Variants in CIB2 observed in about 807,000 individuals in gnomAD.
CIB2 encodes calcium and integrin-binding family member 2.
In CIB2, 19 loss-of-function variants were observed where a neutral mutation model predicts 23.1. The ratio of observed to expected loss-of-function variants is 0.82; its 90% CI spans 0.57 to 1.21. The LOEUF is 1.21. Among genes scored for constraint, CIB2 ranks in the 50% most tolerant of loss-of-function variants. CIB2 has a pLI of 0.00. For synonymous variants in CIB2, 94 were observed against 91.7 expected (o/e 1.03, Z -0.14); for missense variants, 220 against 241.5 (o/e 0.91, Z 0.59).
Position 78,109,278 on chromosome 15 carries a change from C to G in CIB2, c.303G>C (p.Ser101=). ...FVDMFSVLCE[S]APRELKANYA... ...AGTTTGCCTTGAGCTCTCGGGGAGC[C>G]GACTCGCAGAGCACGGAAAACATGT... Residue 101 remains serine (S), a synonymous_variant, in exon 4 of 6, where the codon TCG becomes TCC. Coordinates refer to ENST00000258930, the MANE Select transcript of CIB2 (RefSeq NM_006383.4). 3.1e-6 allele frequency: 5 copies of G among 1,609,510 alleles called. No individual in the cohort carries two copies. Among genetic ancestry groups the G allele is most frequent in the Non-Finnish European group, 4.2e-6 (5 of 1,177,310 alleles).
At chr15:78,124,121 G>A (rs559107683) in intron 1 of CIB2, among the ~76,000 whole-genome samples, 1 of 152,240 alleles carries the variant, frequency 6.6e-6, no homozygotes, top group East Asian at 1.9e-4. Context: ...AGGACCCACA[G>A]GGCCACCTCG....
In CIB2 at chr15:78,131,314, C is replaced by T; in HGVS notation, c.-99G>A. 9.9e-7 allele frequency: 1 copy of T among 1,013,426 alleles called. No individual in the cohort carries two copies. The highest frequency in any genetic ancestry group is 4.8e-5 in the South Asian group (1 of 20,990). 62.8% of individuals were successfully genotyped at this position (1,013,426 alleles called of 1,614,324 possible). A position where few individuals can be genotyped will look rare whatever the true frequency, so the allele number is the denominator to read the frequency against. ...CCCCGTGCCCGCGGCCCTCGGCAGCCCCGCGGCTGGCAGCGGCCCACGGTG... is the reference window on the plus strand; with the variant it reads ...CCCCGTGCCCGCGGCCCTCGGCAGCTCCGCGGCTGGCAGCGGCCCACGGTG... On this transcript the variant is annotated 5_prime_UTR_variant, in exon 1 of 6. Coordinates refer to ENST00000258930, the MANE Select transcript of CIB2 (RefSeq NM_006383.4). This position sits in a 1 kb window ranked among gnomAD's most constrained non-coding sequence, Gnocchi z 5.8.
chr15:78,109,558 G>T (rs981167852), intron 3 of CIB2, 176 bp from the exon 4 acceptor site: 4 of 694,842 alleles, frequency 5.8e-6, no homozygotes, highest in African/African-American at 1.8e-5. Context: ...GTTGTGATGG[G>T]ATTAAATGAG....
At chr15:78,109,132 T>C in intron 4 of CIB2, 103 bp downstream of exon 4, 1 of 1,320,724 alleles carries the variant, frequency 7.6e-7, no homozygotes. Flanking sequence ...AGCTTCACTG[T>C]TCTTGGTGTC....
chr15:78,113,441 C>A (rs1201002305), intron 2 of CIB2, among the ~76,000 whole-genome samples: 1 of 152,072 alleles, frequency 6.6e-6, no homozygotes, highest in Non-Finnish European at 1.5e-5. Context: ...CTATTTCTTG[C>A]ATAGAGGAAA....
chr15:78,131,266 G>A lies in CIB2; in HGVS notation c.-51C>T, dbSNP rs2074452669. ...CGCCCGGGCTCCGACTCCCATCAGCGGCCGCCAGACCCGGAGCCAGCGCCC... is the reference window on the plus strand; with the variant it reads ...CGCCCGGGCTCCGACTCCCATCAGCAGCCGCCAGACCCGGAGCCAGCGCCC... On this transcript the variant is annotated 5_prime_UTR_variant, in exon 1 of 6. Coordinates refer to ENST00000258930, the MANE Select transcript of CIB2 (RefSeq NM_006383.4). The surrounding 1 kb of genome is among the most constrained non-coding windows in gnomAD (Gnocchi z 5.8). The A allele has an allele frequency of 1.4e-6, 2 of 1,380,508 alleles. No individual in the cohort carries two copies. Among genetic ancestry groups the A allele is most frequent in the East Asian group, 3.1e-5 (1 of 32,346 alleles). 85.5% of individuals were successfully genotyped at this position (1,380,508 alleles called of 1,614,324 possible).
At chr15:78,109,527 T>C (rs981522768) in intron 3 of CIB2, 145 bp from the exon 4 acceptor site, 4 of 831,302 alleles carry the variant, frequency 4.8e-6, no homozygotes, top group South Asian at 1.4e-5. Context: ...AAGGGAATAA[T>C]AATAACACCT....
chr15:78,131,132 G>A lies in CIB2; in HGVS notation c.51+33C>T. Reference sequence around the variant, plus strand: ...AAGGGAGGGGCGGCGGGGCGGCGGGGCCTGTGTTGGGGGCCGGGCGCGCCG... The same window carrying A: ...AAGGGAGGGGCGGCGGGGCGGCGGGACCTGTGTTGGGGGCCGGGCGCGCCG... On this transcript the variant is annotated intron_variant, in intron 1 of 5. Transcript: ENST00000258930. This position sits in a 1 kb window ranked among gnomAD's most constrained non-coding sequence, Gnocchi z 5.8. 2.6e-6 allele frequency: 4 copies of A among 1,552,192 alleles called. No individual in the cohort carries two copies. The highest frequency in any genetic ancestry group is 4.7e-5 in the East Asian group (2 of 42,232).
intron 2 of CIB2, among the ~76,000 whole-genome samples, chr15:78,116,003 A>G (rs1282018294): frequency 8.0e-6 from 1 of 124,306 alleles, no homozygotes; most frequent in East Asian, 2.4e-4. Flanking sequence ...AAATATTTGG[A>G]AAAAAAAAAT....
intron 2 of CIB2, among the ~76,000 whole-genome samples, chr15:78,121,069 G>A (rs952777116): frequency 7.9e-5 from 12 of 152,158 alleles, no homozygotes; most frequent in Non-Finnish European, 1.3e-4. Context: ...GAAGGGGGGT[G>A]AAACTGGAAT....
intron 2 of CIB2, among the ~76,000 whole-genome samples, chr15:78,112,995 A>AT (rs1344043465): frequency 6.6e-6 from 1 of 152,156 alleles, no homozygotes; most frequent in Non-Finnish European, 1.5e-5. Flanking sequence ...TGCTTTACTT[A>AT]TTTTAATCCC....
intron 2 of CIB2, among the ~76,000 whole-genome samples, chr15:78,118,203 A>G (rs967144177): frequency 6.6e-6 from 1 of 152,190 alleles, no homozygotes; most frequent in Admixed American, 6.5e-5. Context: ...CACAAAAAGA[A>G]AGACTAAGAG....
chr15:78,113,536 C>CTTTCTTTCT (rs1555426292), intron 2 of CIB2, among the ~76,000 whole-genome samples: 79 of 145,050 alleles, frequency 5.4e-4, no homozygotes, highest in South Asian at 6.6e-4. Context: ...TTCTTTCTTT[C>CTTTCTTTCT]TTTTTTTTTT....
intron 2 of CIB2, among the ~76,000 whole-genome samples, chr15:78,121,536 TG>T (rs2074319074): frequency 1.3e-5 from 2 of 152,154 alleles, no homozygotes; most frequent in South Asian, 4.1e-4. Flanking sequence ...AGGGACCTGG[TG>T]GGAGGTAATT....
intron 2 of CIB2, among the ~76,000 whole-genome samples, chr15:78,112,808 G>A (rs1270902064): frequency 1.3e-5 from 2 of 152,162 alleles, no homozygotes; most frequent in African/African-American, 4.8e-5. Context: ...CCTTTATCAA[G>A]CCATTCAGCA....
At chr15:78,118,368 A>C (rs1011882601) in intron 2 of CIB2, among the ~76,000 whole-genome samples, 3 of 152,052 alleles carry the variant, frequency 2.0e-5, no homozygotes, top group Non-Finnish European at 4.4e-5. Context: ...CAAGGCGGGC[A>C]GATCATGAGG....
chr15:78,129,012 T>C (rs1225742110), intron 1 of CIB2, among the ~76,000 whole-genome samples: 1 of 152,022 alleles, frequency 6.6e-6, no homozygotes, highest in East Asian at 1.9e-4. Context: ...TTTTGGAGTT[T>C]GAGGGGTCTG....
intron 2 of CIB2, among the ~76,000 whole-genome samples, chr15:78,115,266 T>C (rs1416644192): frequency 6.6e-6 from 1 of 152,170 alleles, no homozygotes; most frequent in African/African-American, 2.4e-5. Context: ...TATTTATTTA[T>C]TTATTTTTTG....
At chr15:78,109,806 C>CAAAA (rs2074128685) in intron 3 of CIB2, among the ~76,000 whole-genome samples, 3 of 52,462 alleles carry the variant, frequency 5.7e-5, no homozygotes, top group Non-Finnish European at 8.6e-5. Flanking sequence ...GACCATGTCT[C>CAAAA]CAAAAAAAAA....
Sources: gnomAD v4.1 joint callset for allele counts (sites outside exome capture counted in the v4.1 genomes callset) on GRCh38, gnomAD v4.1.1 for gene constraint, Gnocchi (gnomAD v3.1) non-coding constraint, MANE v1.5 for transcripts, NCBI Gene and HGNC (gene_info 2026-07-23, HGNC 2026-07-21) for gene names.